TMEM178B: variants seen among roughly 807,000 people sequenced by gnomAD.
The protein encoded by TMEM178B is transmembrane protein 178B.
A neutral mutation model predicts 31.0 loss-of-function variants in TMEM178B; 5 were observed. That is an observed-to-expected ratio of 0.16 (90% confidence interval 0.08 to 0.34). TMEM178B has a LOEUF of 0.34. Ranked by LOEUF, TMEM178B falls within the 10% of genes least tolerant of loss-of-function variation. The probability of loss-of-function intolerance (pLI) is 1.00; values close to 1 mark genes in which losing one functional copy is unlikely to be tolerated. For synonymous variants in TMEM178B, 164 were observed against 164.0 expected (o/e 1.00, Z 0.00); for missense variants, 275 against 400.3 (o/e 0.69, Z 2.67).
At chr7:141,386,128 G>C (rs1800427595) in intron 2 of TMEM178B, among the ~76,000 whole-genome samples, 1 of 152,206 alleles carries the variant, frequency 6.6e-6, no homozygotes, top group Non-Finnish European at 1.5e-5. Flanking sequence ...CAGAGATTTT[G>C]AGGGGCCAAA....
intron 1 of TMEM178B, among the ~76,000 whole-genome samples, chr7:141,165,862 T>C (rs1459801780): frequency 2.0e-5 from 3 of 152,174 alleles, no homozygotes; most frequent in East Asian, 1.9e-4. Flanking sequence ...GTGTCTCTCA[T>C]AGGGTTTTTG....
At chr7:141,152,471 A>C (rs2129180655) in intron 1 of TMEM178B, among the ~76,000 whole-genome samples, 2 of 151,832 alleles carry the variant, frequency 1.3e-5, no homozygotes, top group South Asian at 4.2e-4. Flanking sequence ...TCATTTATAG[A>C]CTCCAGGTTT....
chr7:141,243,918 CT>C (rs1262178977), intron 2 of TMEM178B, among the ~76,000 whole-genome samples: 1 of 152,190 alleles, frequency 6.6e-6, no homozygotes, highest in Admixed American at 6.5e-5. Flanking sequence ...CTGAATACCC[CT>C]GTGTACCTGT....
chr7:141,153,855 TATC>T (rs1426566316), intron 1 of TMEM178B, among the ~76,000 whole-genome samples: 1 of 152,236 alleles, frequency 6.6e-6, no homozygotes, highest in East Asian at 1.9e-4. Flanking sequence ...CTTTCATTTT[TATC>T]ATATCTTTAA....
In TMEM178B at chr7:141,223,479, C is replaced by CTTTTTTTTTTTTTT. The variant is rs10680431; in HGVS notation, c.496+10779_496+10792dup. 1.8e-3 allele frequency among the ~76,000 whole-genome samples: 234 copies of CTTTTTTTTTTTTTT among 131,086 alleles called. 5 individuals carry two copies. Among genetic ancestry groups the CTTTTTTTTTTTTTT allele is most frequent in the South Asian group, 7.1e-3 (29 of 4,112 alleles). 86.0% of individuals were successfully genotyped at this position (131,086 alleles called of 152,430 possible). On this transcript the variant is annotated intron_variant, in intron 2 of 3. Coordinates refer to ENST00000565468, the MANE Select transcript of TMEM178B (RefSeq NM_001195278.2). ...GCTGATGTTCTCTGCTGTTTTCACT[C>CTTTTTTTTTTTTTT]TTTTTTTTTTTTTTTTTGTATTTCC...
chr7:141,198,282 G>A (rs1028384696), intron 1 of TMEM178B, among the ~76,000 whole-genome samples: 1 of 152,164 alleles, frequency 6.6e-6, no homozygotes, highest in Non-Finnish European at 1.5e-5. Context: ...GTGCATACCT[G>A]GGGGAGGCAG....
chr7:141,382,223 C>T (rs773345900), intron 2 of TMEM178B, among the ~76,000 whole-genome samples: 9 of 152,182 alleles, frequency 5.9e-5, no homozygotes, highest in Non-Finnish European at 1.0e-4. Context: ...TGTCCTATTA[C>T]GCTTAGGTCA....
chr7:141,167,102 T>A (rs1400152020), intron 1 of TMEM178B, among the ~76,000 whole-genome samples: 1 of 152,230 alleles, frequency 6.6e-6, no homozygotes, highest in Non-Finnish European at 1.5e-5. Flanking sequence ...AGTCTTCTCA[T>A]CTTTAAAATG....
At chr7:141,288,806 G>A (rs2116416612) in intron 2 of TMEM178B, among the ~76,000 whole-genome samples, 1 of 152,244 alleles carries the variant, frequency 6.6e-6, no homozygotes, top group Admixed American at 6.5e-5. Context: ...TGCATTTCTT[G>A]GCTTGTTCCT....
chr7:141,406,331 T>G (rs1378848215), intron 2 of TMEM178B, among the ~76,000 whole-genome samples: 3 of 152,152 alleles, frequency 2.0e-5, no homozygotes, highest in African/African-American at 7.2e-5. Flanking sequence ...CTCTTTCCAT[T>G]GATGACTTTG....
At chr7:141,386,478 T>G (rs1046512471) in intron 2 of TMEM178B, among the ~76,000 whole-genome samples, 5 of 152,242 alleles carry the variant, frequency 3.3e-5, no homozygotes, top group Non-Finnish European at 7.3e-5. Context: ...TTTGTTTGTT[T>G]TCTCTGGACA....
intron 2 of TMEM178B, among the ~76,000 whole-genome samples, chr7:141,265,373 A>C (rs887325980): frequency 5.3e-5 from 8 of 152,098 alleles, no homozygotes; most frequent in Non-Finnish European, 1.0e-4. Context: ...CTTTACCTCA[A>C]GGGACTCCCT....
chr7:141,300,236 G>A lies in TMEM178B; in HGVS notation c.496+87532G>A, dbSNP rs189842900. The stretch of plus-strand genomic sequence containing the variant: ...TCTTGTTGGTCAATCCCATGACCTC[G>A]GTGTCTGTTGCCACCGTTGCCTGCC... On this transcript the variant is annotated intron_variant, in intron 2 of 3. Transcript: ENST00000565468. Among the ~76,000 whole-genome samples the A allele has an allele frequency of 2.0e-4, 31 of 152,264 alleles. 1 individual carries two copies. In the East Asian group the frequency reaches 4.6e-3, roughly 23 times the overall value.
downstream of TMEM178B, among the ~76,000 whole-genome samples, chr7:141,480,714 T>A (rs1423149237): frequency 6.6e-6 from 1 of 152,224 alleles, no homozygotes; most frequent in Non-Finnish European, 1.5e-5. Flanking sequence ...AATGACTAAT[T>A]ACATTCTAAC....
chr7:141,140,367 C>T (rs1180004862), intron 1 of TMEM178B, among the ~76,000 whole-genome samples: 1 of 152,180 alleles, frequency 6.6e-6, no homozygotes, highest in Admixed American at 6.5e-5. Flanking sequence ...AGACTCCTCT[C>T]TCCATTTATA....
At chr7:141,140,672 G>T (rs1484406170) in intron 1 of TMEM178B, among the ~76,000 whole-genome samples, 2 of 152,140 alleles carry the variant, frequency 1.3e-5, no homozygotes, top group African/African-American at 4.8e-5. Flanking sequence ...GCTCCTCTTG[G>T]CTGTGACAGT....
At chr7:141,294,937 C>T (rs529332534) in intron 2 of TMEM178B, among the ~76,000 whole-genome samples, 1 of 152,156 alleles carries the variant, frequency 6.6e-6, no homozygotes, top group Non-Finnish European at 1.5e-5. Flanking sequence ...CAAACATGGG[C>T]CCTTTTCAAT....
intron 2 of TMEM178B, among the ~76,000 whole-genome samples, chr7:141,218,579 G>A (rs550814741): frequency 6.1e-4 from 93 of 152,290 alleles, no homozygotes; most frequent in Non-Finnish European, 1.2e-3. Context: ...GAAGCCCAGC[G>A]TGTCCTGGTG....
intron 1 of TMEM178B, among the ~76,000 whole-genome samples, chr7:141,080,551 C>T (rs766591904): frequency 1.2e-4 from 18 of 152,236 alleles, no homozygotes; most frequent in Admixed American, 2.6e-4. Context: ...ATCCAGGAAG[C>T]GGAGGTTGCA....
Sources: gnomAD v4.1 joint callset for allele counts (sites outside exome capture counted in the v4.1 genomes callset) on GRCh38, gnomAD v4.1.1 for gene constraint, MANE v1.5 for transcripts, NCBI Gene and HGNC (gene_info 2026-07-23, HGNC 2026-07-21) for gene names.